TOR3A: variants seen among roughly 807,000 people sequenced by gnomAD.
The protein encoded by TOR3A is torsin family 3 member A.
Under a neutral mutation model 42.1 loss-of-function variants are expected in TOR3A, and 44 were observed. The observed-to-expected ratio is 1.04, with a 90% CI of 0.82 to 1.34. The LOEUF (loss-of-function observed/expected upper bound fraction) is 1.34, where lower values mean the gene tolerates loss of function less well. TOR3A is among the 40% of genes most tolerant of loss of function. TOR3A has a pLI of 0.00. For synonymous variants in TOR3A, 227 were observed against 213.2 expected (o/e 1.06, Z -0.57); for missense variants, 521 against 507.6 (o/e 1.03, Z -0.25).
chr1:179,087,932 C>T lies in TOR3A; in HGVS notation c.661C>T (p.Arg221Trp), dbSNP rs377658815. ...GCAGGAGCAGCTGATGAGCCAGATC[C>T]GGGAGACGCAGCAGCTCTGCCACCA... The part of the protein sequence containing the change: ...LYKEQLMSQI[R>W]ETQQLCHQTL... Residue 221 changes from arginine to tryptophan, a missense_variant, in exon 4 of 6, where the codon CGG becomes TGG. Coordinates refer to ENST00000367627, the MANE Select transcript of TOR3A (RefSeq NM_022371.4). 4.6e-5 allele frequency: 73 copies of T among 1,598,014 alleles called. No individual in the cohort carries two copies. Among genetic ancestry groups the T allele is most frequent in the Middle Eastern group, 3.4e-4 (2 of 5,944 alleles).
rs546630012 is a variant in TOR3A at position 179,093,958 on chromosome 1, T to G, written c.819-135T>G. The G allele has an allele frequency of 5.2e-6, 6 of 1,161,092 alleles. No individual in the cohort carries two copies. The African/African-American group carries it at 7.7e-5, about 15-fold the overall frequency. The allele number at this position is 1,161,092 out of a possible 1,614,324, so 71.9% of individuals were successfully genotyped here. On this transcript the variant is annotated intron_variant, in intron 4 of 5. Coordinates refer to ENST00000367627, the MANE Select transcript of TOR3A (RefSeq NM_022371.4). ...TGGGTTGTGAGGTTGTGACAAGGTC[T>G]CCTGGAAGAGAGAGAAGGTCCACGC... is the stretch of plus-strand genomic sequence containing the variant.
At position 179,082,111 on chromosome 1, in the gene TOR3A, C is replaced by T. The variant is rs771110377; in HGVS notation, c.-18C>T. On this transcript the variant is annotated 5_prime_UTR_variant, in exon 1 of 6. Coordinates refer to ENST00000367627, the MANE Select transcript of TOR3A (RefSeq NM_022371.4). ...GGCTAGGCCGGCAGCCGGATGGTCC[C>T]GCAGCTCGGGGCCGGCCATGCTTCG... 16 of 1,460,916 alleles carry T rather than the reference C, an allele frequency of 1.1e-5. No homozygotes were observed. Among genetic ancestry groups the T allele is most frequent in the East Asian group, 2.8e-5 (1 of 36,066 alleles). 90.5% of individuals were successfully genotyped at this position (1,460,916 alleles called of 1,614,324 possible). A position where few individuals can be genotyped will look rare whatever the true frequency, so the allele number is the denominator to read the frequency against.
rs745899124 is a variant in TOR3A at position 179,082,209 on chromosome 1, C to T, written c.81C>T (p.Ser27=). 6.0e-6 allele frequency: 9 copies of T among 1,509,492 alleles called. No homozygotes were observed. The highest frequency in any genetic ancestry group is 4.0e-4 in the Middle Eastern group (2 of 5,018). The allele number at this position is 1,509,492 out of a possible 1,614,324, so 93.5% of individuals were successfully genotyped here. ...LPGAPEPRGA[S]RPWEGTDEPG... is the part of the protein sequence containing the mutation. ...GCGCGCCTGAGCCCCGCGGCGCCTC[C>T]AGGCCGTGGGAGGGAACCGACGAGC... Residue 27 remains serine, a synonymous_variant, in exon 1 of 6, where the codon TCC becomes TCT. Coordinates refer to ENST00000367627, the MANE Select transcript of TOR3A (RefSeq NM_022371.4).
rs560172736 is a variant in TOR3A at position 179,094,649 on chromosome 1, C to T, written c.944-319C>T. The stretch of plus-strand genomic sequence containing the variant: ...ATCCCAACACTTTGGGAGGCTGAGG[C>T]GGGCGGATCACTTGAGTCCAGGAGA... On this transcript the variant is annotated intron_variant, in intron 5 of 5. Coordinates refer to ENST00000367627, the MANE Select transcript of TOR3A (RefSeq NM_022371.4). Among the ~76,000 whole-genome samples, 172 of 152,206 alleles carry T rather than the reference C, an allele frequency of 1.1e-3. 1 individual carries two copies. Among genetic ancestry groups the T allele is most frequent in the African/African-American group, 4.0e-3 (167 of 41,538 alleles).
chr1:179,088,977 G>A (rs192389374), intron 4 of TOR3A, among the ~76,000 whole-genome samples: 2 of 152,144 alleles, frequency 1.3e-5, no homozygotes, highest in African/African-American at 4.8e-5. Context: ...TTGCTGGGGG[G>A]GTTTCCCAAG....
intron 4 of TOR3A, among the ~76,000 whole-genome samples, chr1:179,092,224 T>C (rs1162214657): frequency 6.6e-6 from 1 of 152,178 alleles, no homozygotes; most frequent in Admixed American, 6.5e-5. Flanking sequence ...CTCCCCTCAT[T>C]TCCCAGCAGC....
At chr1:179,082,729 CGTCCGCTGTG>C (rs1557886215) in intron 1 of TOR3A, 4 of 703,700 alleles carry the variant, frequency 5.7e-6, no homozygotes, top group Non-Finnish European at 1.0e-5. Flanking sequence ...CTCTAGGGAA[CGTCCGCTGTG>C]GACATGCCTG....
intron 4 of TOR3A, among the ~76,000 whole-genome samples, chr1:179,092,673 C>T (rs1185071625): frequency 6.6e-6 from 1 of 152,124 alleles, no homozygotes; most frequent in Non-Finnish European, 1.5e-5. Flanking sequence ...ATGGTGAAAC[C>T]CTGTCTCTAC....
intron 4 of TOR3A, among the ~76,000 whole-genome samples, chr1:179,093,195 C>T (rs1383722724): frequency 6.6e-6 from 1 of 152,166 alleles, no homozygotes; most frequent in African/African-American, 2.4e-5. Flanking sequence ...TCTGTCCCAG[C>T]TTCCCTGCTG....
intron 2 of TOR3A, 147 bp from the exon 3 acceptor site, chr1:179,085,481 C>T (rs1652405489): frequency 1.0e-6 from 1 of 953,536 alleles, no homozygotes; most frequent in Non-Finnish European, 1.6e-6. Flanking sequence ...AGTCTGCCCT[C>T]TGGCTTCTTA....
chr1:179,082,826 A>G (rs962984920), intron 1 of TOR3A, 114 bp from the exon 2 acceptor site: 3 of 774,992 alleles, frequency 3.9e-6, no homozygotes, highest in Non-Finnish European at 6.7e-6. Flanking sequence ...GCTGGGAGTT[A>G]GAATCTGAGT....
At chr1:179,087,869 AG>A (rs773084410) in intron 3 of TOR3A, 41 bp from the exon 4 acceptor site, 1 of 1,502,696 alleles carries the variant, frequency 6.7e-7, no homozygotes, top group Admixed American at 2.3e-5. Flanking sequence ...CGGAGGTGGA[AG>A]GAGTCACCAC....
intron 3 of TOR3A, 128 bp downstream of exon 3, chr1:179,086,021 C>A: frequency 8.6e-7 from 1 of 1,161,184 alleles, no homozygotes; most frequent in African/African-American, 1.5e-5. Context: ...GAACCTGTGA[C>A]AGAGCCACTC....
chr1:179,084,278 C>G (rs1413138908), intron 2 of TOR3A, among the ~76,000 whole-genome samples: 7 of 152,042 alleles, frequency 4.6e-5, no homozygotes, highest in Non-Finnish European at 1.0e-4. Context: ...TCTCTGTCAC[C>G]TAGGCTGGAG....
Position 179,082,394 on chromosome 1 carries a change from C to A in TOR3A, c.259+7C>A, listed in dbSNP as rs780487897. 2.5e-6 allele frequency: 4 copies of A among 1,595,656 alleles called. No homozygotes were observed. The highest frequency in any genetic ancestry group is 3.4e-6 in the Non-Finnish European group (4 of 1,173,860). ...GCAGCCACGGGGCCCCTGGGTAAGA[C>A]CCCGTCCCCACGGTCCGCCGTTCGC... On this transcript the variant is annotated splice_region_variant and intron_variant, in intron 1 of 5. Coordinates refer to ENST00000367627, the MANE Select transcript of TOR3A (RefSeq NM_022371.4).
At chr1:179,085,544 T>G in intron 2 of TOR3A, 84 bp from the exon 3 acceptor site, 1 of 1,533,072 alleles carries the variant, frequency 6.5e-7, no homozygotes, top group South Asian at 1.2e-5. Context: ...AGATTCAGAG[T>G]TGCTTGGTTT....
intron 3 of TOR3A, among the ~76,000 whole-genome samples, chr1:179,086,094 TG>T (rs1407358212): frequency 1.3e-5 from 2 of 152,286 alleles, no homozygotes; most frequent in Admixed American, 1.3e-4. Flanking sequence ...CACCACCCCC[TG>T]CTCTGTCCCC....
At chr1:179,091,730 T>C (rs1185706873) in intron 4 of TOR3A, 1 of 152,514 alleles carries the variant, frequency 6.6e-6, no homozygotes, top group African/African-American at 2.4e-5. Context: ...AGTATCACTC[T>C]GTGGGGTTTC....
rs73045663 is a variant in TOR3A at position 179,087,844 on chromosome 1, C to T, written c.640-67C>T. 4,436 of 1,466,638 alleles carry T rather than the reference C, an allele frequency of 3.0e-3. 101 individuals carry two copies. The African/African-American group carries it at 0.056, about 18-fold the overall frequency. 90.9% of individuals were successfully genotyped at this position (1,466,638 alleles called of 1,614,324 possible). A position where few individuals can be genotyped will look rare whatever the true frequency, so the allele number is the denominator to read the frequency against. On this transcript the variant is annotated intron_variant, in intron 3 of 5. Coordinates refer to ENST00000367627, the MANE Select transcript of TOR3A (RefSeq NM_022371.4). ...GTCCATTGCACATGCCCAGGGGAAACCACGCCCTCAAGGCCGGAGGTGGAA... is the reference window on the plus strand; with the variant it reads ...GTCCATTGCACATGCCCAGGGGAAATCACGCCCTCAAGGCCGGAGGTGGAA...
Sources: allele counts gnomAD v4.1 joint callset (sites outside exome capture counted in the v4.1 genomes callset), GRCh38; gene constraint gnomAD v4.1.1; transcripts MANE v1.5; gene names NCBI Gene and HGNC (gene_info 2026-07-23, HGNC 2026-07-21).